The following UQCC1 variants were observed in gnomAD, a reference collection of about 807,000 sequenced individuals.
The protein encoded by UQCC1 is bFGF-repressed Zic-binding protein.
A neutral mutation model predicts 48.0 loss-of-function variants in UQCC1; 38 were observed. The ratio of observed to expected loss-of-function variants is 0.79; its 90% CI spans 0.61 to 1.04. The LOEUF (loss-of-function observed/expected upper bound fraction) is 1.04. Ranked by LOEUF, UQCC1 falls within the 50% of genes least tolerant of loss-of-function variation. The pLI, the probability that UQCC1 is intolerant of heterozygous loss-of-function variation, is 0.00. For missense variants in UQCC1, 368 were observed against 381.8 expected (o/e 0.96, Z 0.30); for synonymous variants, 111 against 129.2 (o/e 0.86, Z 0.95).
intron 5 of UQCC1, among the ~76,000 whole-genome samples, chr20:35,370,523 T>C (rs2061718867): frequency 6.6e-6 from 1 of 152,182 alleles, no homozygotes; most frequent in Admixed American, 6.5e-5. Flanking sequence ...ATATGAAAAC[T>C]TAATCTACCC....
chr20:35,351,544 A>G (rs943748016), intron 6 of UQCC1, among the ~76,000 whole-genome samples: 1 of 152,210 alleles, frequency 6.6e-6, no homozygotes, highest in Admixed American at 6.5e-5. Flanking sequence ...TCTAAAGTTA[A>G]TCAAATCCCT....
chr20:35,361,600 A>G (rs1243378703), intron 6 of UQCC1, among the ~76,000 whole-genome samples: 1 of 152,194 alleles, frequency 6.6e-6, no homozygotes. Context: ...CATTAATTTA[A>G]GTATTTAATT....
chr20:35,348,444 C>A (rs1329799329), intron 6 of UQCC1, among the ~76,000 whole-genome samples: 2 of 152,152 alleles, frequency 1.3e-5, no homozygotes, highest in Non-Finnish European at 2.9e-5. Context: ...GGCTGGAGTG[C>A]AGTGGCGCCA....
At chr20:35,310,983 C>T (rs768967797) in intron 8 of UQCC1, among the ~76,000 whole-genome samples, 10 of 151,288 alleles carry the variant, frequency 6.6e-5, no homozygotes, top group Non-Finnish European at 1.0e-4. Flanking sequence ...CAGGCGTGAG[C>T]CACTGTGCCT....
intron 4 of UQCC1, 109 bp from the exon 5 acceptor site, chr20:35,374,365 C>G: frequency 1.3e-6 from 1 of 757,942 alleles, no homozygotes; most frequent in Middle Eastern, 2.4e-4. Context: ...AGGAAGGGTC[C>G]AAACCACTCT....
chr20:35,363,540 C>T (rs2061631798), intron 6 of UQCC1, among the ~76,000 whole-genome samples: 1 of 152,140 alleles, frequency 6.6e-6, no homozygotes, highest in Non-Finnish European at 1.5e-5. Context: ...AAAAATCAGA[C>T]AGGATAAGTG....
intron 2 of UQCC1, chr20:35,386,253 A>C (rs779931800): frequency 2.5e-6 from 1 of 400,806 alleles, no homozygotes; most frequent in South Asian, 1.8e-5. Flanking sequence ...TCTAGTTTCC[A>C]AACTCTCACT....
chr20:35,374,196 C>T lies in UQCC1; in HGVS notation c.394G>A (p.Glu132Lys). The T allele has an allele frequency of 6.2e-7, 1 of 1,611,284 alleles. No homozygotes were observed. Among genetic ancestry groups the T allele is most frequent in the Non-Finnish European group, 8.5e-7 (1 of 1,178,206 alleles). Reference protein sequence around the residue: ...TSCVEKTDFEEFFLRCQMPDT... With the variant: ...TSCVEKTDFEKFFLRCQMPDT... ...AACAATAACTTACTTAGAAAGAATTCCTCGAAGTCAGTTTTCTCCACACAG... is the reference window on the plus strand; with the variant it reads ...AACAATAACTTACTTAGAAAGAATTTCTCGAAGTCAGTTTTCTCCACACAG... Residue 132 changes from glutamate (E) to lysine (K), a missense_variant, in exon 5 of 10, where the codon GAA (glutamate) becomes AAA (lysine). By Grantham distance (56) the Glu-to-Lys change is moderately conservative. Coordinates refer to ENST00000374385, the MANE Select transcript of UQCC1 (RefSeq NM_018244.5).
chr20:35,390,075 T>G (rs2061995354), intron 2 of UQCC1, among the ~76,000 whole-genome samples: 1 of 152,170 alleles, frequency 6.6e-6, no homozygotes, highest in Non-Finnish European at 1.5e-5. Flanking sequence ...GTGCCAGTTA[T>G]AAAAGAACAA....
intron 1 of UQCC1, among the ~76,000 whole-genome samples, chr20:35,396,827 T>C (rs911292898): frequency 1.3e-5 from 2 of 152,206 alleles, no homozygotes; most frequent in Non-Finnish European, 2.9e-5. Flanking sequence ...ATGATAGCCA[T>C]GTACACAGCA....
At chr20:35,309,666 A>G (rs1232165036) in intron 8 of UQCC1, among the ~76,000 whole-genome samples, 1 of 152,216 alleles carries the variant, frequency 6.6e-6, no homozygotes, top group Non-Finnish European at 1.5e-5. Context: ...GACACAATGA[A>G]GCATCCTTCA....
intron 2 of UQCC1, chr20:35,384,717 C>G: frequency 2.3e-6 from 1 of 431,198 alleles, no homozygotes; most frequent in Non-Finnish European, 4.6e-6. Context: ...ACCTGTAATC[C>G]CAGCACTTTG....
chr20:35,363,731 T>C (rs114123294), intron 6 of UQCC1, among the ~76,000 whole-genome samples: 1,527 of 152,282 alleles, frequency 0.01, 22 homozygotes, highest in African/African-American at 0.032. Flanking sequence ...GGAGGCATTA[T>C]TTCTACTTTT....
chr20:35,304,178 G>A, intron 9 of UQCC1, 109 bp from the exon 10 acceptor site: 2 of 1,447,654 alleles, frequency 1.4e-6, no homozygotes, highest in Non-Finnish European at 1.9e-6. Context: ...GACGGGGCAT[G>A]AGGGGGGCTT....
rs2062170063 is a variant in UQCC1 at position 35,401,830 on chromosome 20, T to C, written c.25-7634A>G. Among the ~76,000 whole-genome samples, 8 of 151,790 alleles carry C rather than the reference T, an allele frequency of 5.3e-5. No homozygotes were observed. The South Asian group carries it at 1.7e-3, about 32-fold the overall frequency. On this transcript the variant is annotated intron_variant, in intron 1 of 9. Transcript: ENST00000374385. The stretch of plus-strand genomic sequence containing the variant: ...GTATGCGCCACCACGCCCAGCTAAT[T>C]TTGTATTTTTAGTAGAGACGGGGTT...
chr20:35,345,070 C>G (rs959378753), intron 7 of UQCC1: 1 of 152,304 alleles, frequency 6.6e-6, no homozygotes, highest in African/African-American at 2.4e-5. Context: ...TATGGAATCT[C>G]CTCACCCCTT....
intron 6 of UQCC1, 136 bp from the exon 7 acceptor site, chr20:35,347,408 T>A (rs971098599): frequency 5.3e-5 from 51 of 965,066 alleles, no homozygotes; most frequent in Non-Finnish European, 5.7e-5. Flanking sequence ...TTTTTTTTTT[T>A]AAACTTTTAC....
chr20:35,358,057 G>A (rs2061565800), intron 6 of UQCC1, among the ~76,000 whole-genome samples: 1 of 152,006 alleles, frequency 6.6e-6, no homozygotes, highest in South Asian at 2.1e-4. Context: ...AATAAAAACT[G>A]CCCTTAAGAA....
At chr20:35,341,410 A>C (rs894808400) in intron 7 of UQCC1, among the ~76,000 whole-genome samples, 2 of 152,130 alleles carry the variant, frequency 1.3e-5, no homozygotes, top group African/African-American at 4.8e-5. Context: ...AGACTAACAC[A>C]GCAAACAAAT....
Sources: gnomAD v4.1 joint callset for allele counts (sites outside exome capture counted in the v4.1 genomes callset) on GRCh38, gnomAD v4.1.1 for gene constraint, MANE v1.5 for transcripts, NCBI Gene and HGNC (gene_info 2026-07-23, HGNC 2026-07-21) for gene names.